PHKA2: variants seen among roughly 807,000 people sequenced by gnomAD.
The protein encoded by PHKA2 is phosphorylase b kinase regulatory subunit alpha, liver isoform.
PHKA2 carries 31 observed loss-of-function variants against 102.0 expected under a neutral mutation model. The ratio of observed to expected loss-of-function variants is 0.30; its 90% confidence interval spans 0.23 to 0.41. The LOEUF is 0.41. Among genes scored for constraint, PHKA2 ranks in the 10% least tolerant of loss-of-function variants. PHKA2 has a pLI of 1.00. For missense variants in PHKA2, 858 were observed against 1,023.1 expected (o/e 0.84, Z 2.20); for synonymous variants, 455 against 416.2 (o/e 1.09, Z -1.13).
intron 19 of PHKA2, among the ~76,000 whole-genome samples, chrX:18,912,936 G>A (rs1030160403): frequency 9.1e-6 from 1 of 110,442 alleles, no homozygotes; most frequent in African/African-American, 3.3e-5. Context: ...ACAATGAGCC[G>A]GGTGTGATGG....
At position 18,954,419 on chromosome X, in the gene PHKA2, G is replaced by C. The variant is rs779811760; in HGVS notation, c.79-7C>G. On this transcript the variant is annotated splice_region_variant and splice_polypyrimidine_tract_variant and intron_variant, in intron 1 of 32. Transcript: ENST00000379942. Reference sequence around the variant, plus strand: ...GCAGCCCCGTGACGGGATTCTATTAGAGAAGAGACACAAAATGGCTCAGTG... The same window carrying C: ...GCAGCCCCGTGACGGGATTCTATTACAGAAGAGACACAAAATGGCTCAGTG... 1 of 1,208,848 alleles carries C rather than the reference G, an allele frequency of 8.3e-7. No individual in the cohort carries two copies. Among genetic ancestry groups the C allele is most frequent in the Non-Finnish European group, 1.1e-6 (1 of 894,319 alleles).
chrX:18,950,510 G>C (rs1418318993), intron 4 of PHKA2, among the ~76,000 whole-genome samples: 2 of 112,647 alleles, frequency 1.8e-5, no homozygotes, highest in Non-Finnish European at 3.8e-5. Context: ...TACCCTGCTG[G>C]TGCCCAGGTG....
intron 1 of PHKA2, among the ~76,000 whole-genome samples, chrX:18,977,537 T>A (rs964142432): frequency 2.7e-5 from 3 of 111,718 alleles, no homozygotes; most frequent in Non-Finnish European, 5.6e-5. Context: ...ACTTCTCCTA[T>A]AGTTAGGTCA....
chrX:18,940,608 G>C (rs2048475639), intron 8 of PHKA2, among the ~76,000 whole-genome samples: 1 of 112,027 alleles, frequency 8.9e-6, no homozygotes, highest in Admixed American at 9.4e-5. Context: ...TGGATGCTAC[G>C]AAAGGAGGGC....
intron 17 of PHKA2, among the ~76,000 whole-genome samples, chrX:18,921,464 A>C (rs1569307171): frequency 8.9e-6 from 1 of 112,278 alleles, no homozygotes; most frequent in Non-Finnish European, 1.9e-5. Flanking sequence ...AGGAAAAGCC[A>C]AAACTGTGAC....
intron 19 of PHKA2, among the ~76,000 whole-genome samples, chrX:18,914,750 T>C (rs1022569209): frequency 3.9e-4 from 44 of 111,974 alleles, no homozygotes; most frequent in African/African-American, 9.7e-4. Context: ...TAAGTAACTA[T>C]ATAGCTCCAG....
intron 1 of PHKA2, among the ~76,000 whole-genome samples, chrX:18,961,515 A>G (rs749365792): frequency 3.7e-4 from 40 of 109,055 alleles, no homozygotes; most frequent in African/African-American, 1.3e-3. Context: ...AAAATTAGCC[A>G]GGCATGGTGG....
rs747924699 is a variant in PHKA2 at position 18,894,288 on chromosome X, C to T, written c.3453G>A (p.Ser1151=). The T allele has an allele frequency of 3.5e-5, 42 of 1,209,844 alleles. No individual in the cohort carries two copies. The highest frequency in any genetic ancestry group is 4.1e-5 in the Non-Finnish European group (37 of 895,034). Residue 1151 remains serine, a synonymous_variant, in exon 32 of 33, where the codon TCG becomes TCA. Transcript: ENST00000379942. ...VEAIMVLTLL[S]DTEMTSIGGI... Reference sequence around the variant, plus strand: ...CCCCGATGCTGGTCATCTCCGTGTCCGAGAGCAGCGTCAGCACCATGATGG... The same window carrying T: ...CCCCGATGCTGGTCATCTCCGTGTCTGAGAGCAGCGTCAGCACCATGATGG...
At chrX:18,982,125 C>T (rs1157768782) in intron 1 of PHKA2, among the ~76,000 whole-genome samples, 1 of 111,815 alleles carries the variant, frequency 8.9e-6, no homozygotes, top group Non-Finnish European at 1.9e-5. Context: ...GATTTGCCTG[C>T]CTACTTCTTC....
intron 12 of PHKA2, among the ~76,000 whole-genome samples, chrX:18,930,501 A>AG (rs769959986): frequency 7.2e-5 from 8 of 110,912 alleles, no homozygotes; most frequent in Non-Finnish European, 1.5e-4. Context: ...AAAGCAGGGG[A>AG]GGGGAGTTAC....
At position 18,905,776 on chromosome X, in the gene PHKA2, A is replaced by T. The variant is rs1279265128; in HGVS notation, c.2890T>A (p.Phe964Ile). Residue 964 changes from phenylalanine to isoleucine, a missense_variant, in exon 26 of 33, where the codon TTT becomes ATT. Around this residue, in one of 2 missense-constraint regions of PHKA2, gnomAD observed 671 missense variants for 745.2 expected, o/e 0.90. Transcript: ENST00000379942. ...LLHHILSGKE[F>I]GVERSVRPIH... The stretch of plus-strand genomic sequence containing the variant: ...AACTTACCACTTCTTTCAACGCCAA[A>T]CTCTTTCCCACTTAGAATATGGTGC... 2 of 1,201,879 alleles carry T rather than the reference A, an allele frequency of 1.7e-6. No individual in the cohort carries two copies. Among genetic ancestry groups the T allele is most frequent in the Non-Finnish European group, 2.3e-6 (2 of 886,699 alleles).
Position 18,893,578 on chromosome X carries a change from C to T in PHKA2, c.3615G>A (p.Pro1205=), listed in dbSNP as rs200550207. Reference sequence around the variant, plus strand: ...AGGTCATCGTCCCATAAGCCCCACTCGGAGCGCTGTCATAAAAGAAGTGGC... The same window carrying T: ...AGGTCATCGTCCCATAAGCCCCACTTGGAGCGCTGTCATAAAAGAAGTGGC... ...GICHFFYDSA[P]SGAYGTMTYL... is the part of the protein sequence containing the mutation. Residue 1205 remains proline, a synonymous_variant, in exon 33 of 33, where the codon CCG becomes CCA. Transcript: ENST00000379942. 135 of 1,210,006 alleles carry T rather than the reference C, an allele frequency of 1.1e-4. No individual in the cohort carries two copies. Among genetic ancestry groups the T allele is most frequent in the South Asian group, 2.1e-4 (12 of 56,829 alleles).
chrX:18,964,387 C>CT (rs1569333914), intron 1 of PHKA2, among the ~76,000 whole-genome samples: 1 of 112,152 alleles, frequency 8.9e-6, no homozygotes, highest in Non-Finnish European at 1.9e-5. Context: ...TACCCTTGGT[C>CT]TTTTTTCCTT....
At chrX:18,934,170 C>G (rs1249585110) in intron 11 of PHKA2, among the ~76,000 whole-genome samples, 1 of 112,030 alleles carries the variant, frequency 8.9e-6, no homozygotes, top group African/African-American at 3.3e-5. Flanking sequence ...GGTAACCCAG[C>G]CCCCACTGCC....
intron 13 of PHKA2, among the ~76,000 whole-genome samples, chrX:18,927,908 G>A (rs2048240012): frequency 8.9e-6 from 1 of 111,817 alleles, no homozygotes; most frequent in Admixed American, 9.5e-5. Context: ...TTTTGGGGGA[G>A]ACCTGGGAGC....
rs2048964516 is a variant in PHKA2, at chrX:18,967,710, C to T, written c.79-13298G>A. On this transcript the variant is annotated intron_variant, in intron 1 of 32. Coordinates refer to ENST00000379942, the MANE Select transcript of PHKA2 (RefSeq NM_000292.3). Reference sequence around the variant, plus strand: ...AAAAAGCCTCAAACATATAGGGAAGCAAAGAGAAAGCAATATAGCCCATAT... The same window carrying T: ...AAAAAGCCTCAAACATATAGGGAAGTAAAGAGAAAGCAATATAGCCCATAT... Among the ~76,000 whole-genome samples the T allele has an allele frequency of 1.9e-5, 2 of 107,439 alleles. 1 individual carries two copies. The highest frequency in any genetic ancestry group is 8.1e-4 in the South Asian group (2 of 2,470). The allele number at this position is 107,439 out of a possible 115,157, so 93.3% of individuals were successfully genotyped here. A position where few individuals can be genotyped will look rare whatever the true frequency, so the allele number is the denominator to read the frequency against.
rs1438337385 is a variant in PHKA2, at chrX:18,952,528, A to C, written c.251T>G (p.Leu84Arg). The C allele has an allele frequency of 8.3e-7, 1 of 1,209,047 alleles. No individual in the cohort carries two copies. The highest frequency in any genetic ancestry group is 1.8e-5 in the African/African-American group (1 of 57,099). ...CATGCACTGGAGAAGACCTCGCATC[A>C]GCTTCACCACGTTCTGTGGAGATAA... ...AYELEQNVVK[L>R]MRGLLQCMMR... The change falls in exon 3 of 33, where the codon CTG (leucine) becomes CGG (arginine). Residue 84 changes from leucine to arginine, a missense_variant. Leu to Arg is a moderately radical substitution (Grantham distance 102). Transcript: ENST00000379942.
intron 1 of PHKA2, among the ~76,000 whole-genome samples, chrX:18,967,842 C>G (rs912352782): frequency 1.8e-5 from 2 of 110,672 alleles, no homozygotes; most frequent in African/African-American, 6.6e-5. Context: ...CAAGTTGAAG[C>G]CTTCCTTGTG....
intron 17 of PHKA2, among the ~76,000 whole-genome samples, chrX:18,922,388 C>T (rs2048138093): frequency 8.9e-6 from 1 of 112,011 alleles, no homozygotes; most frequent in Admixed American, 9.5e-5. Flanking sequence ...GCTGGTATGG[C>T]ACTAGTCCTG....
Sources: allele counts gnomAD v4.1 joint callset (sites outside exome capture counted in the v4.1 genomes callset), GRCh38; gene constraint gnomAD v4.1.1; regional missense constraint gnomAD v4.1.1; transcripts MANE v1.5; gene names NCBI Gene and HGNC (gene_info 2026-07-23, HGNC 2026-07-21).